The following NRXN3 variants were observed in gnomAD, a reference collection of about 807,000 sequenced individuals.
NRXN3 encodes the protein neurexin 3.
Under a neutral mutation model 137.6 loss-of-function variants are expected in NRXN3, and 32 were observed. The observed-to-expected ratio is 0.23, with a 90% CI of 0.18 to 0.31. The LOEUF is 0.31. Ranked by LOEUF, NRXN3 falls within the 10% of genes least tolerant of loss-of-function variation. NRXN3 has a pLI of 1.00. For synonymous variants in NRXN3, 798 were observed against 784.5 expected (o/e 1.02, Z -0.29); for missense variants, 1,574 against 2,062.5 (o/e 0.76, Z 4.59).
intron 15 of NRXN3, among the ~76,000 whole-genome samples, chr14:79,431,214 C>T (rs983324729): frequency 6.6e-6 from 1 of 152,132 alleles, no homozygotes; most frequent in African/African-American, 2.4e-5. Flanking sequence ...GTCTGAGAAG[C>T]AAATACCTGG....
At chr14:79,818,046 G>GTTTT (rs55815632) in intron 20 of NRXN3, among the ~76,000 whole-genome samples, 30 of 90,318 alleles carry the variant, frequency 3.3e-4, no homozygotes, top group East Asian at 8.5e-4. Flanking sequence ...GTGCACTTGG[G>GTTTT]TTTTTTTTTT....
At chr14:79,499,188 GA>G (rs1284399459) in intron 16 of NRXN3, among the ~76,000 whole-genome samples, 4 of 152,064 alleles carry the variant, frequency 2.6e-5, no homozygotes, top group Admixed American at 2.0e-4. Flanking sequence ...CCAAAGCTTT[GA>G]AGACCCTGTT....
In NRXN3 at chr14:78,457,965, G is replaced by A. The variant is rs182262013; in HGVS notation, c.757+160105G>A. Reference sequence around the variant, plus strand: ...GCCTGTTAAGCAGGAGACACCCCCCGCTCCAGTTTAGAAAATTCTCTGACC... The same window carrying A: ...GCCTGTTAAGCAGGAGACACCCCCCACTCCAGTTTAGAAAATTCTCTGACC... On this transcript the variant is annotated intron_variant, in intron 4 of 20. Transcript: ENST00000335750. Among the ~76,000 whole-genome samples, 12 of 152,200 alleles carry A rather than the reference G, an allele frequency of 7.9e-5. No homozygotes were observed. In the East Asian group the frequency reaches 1.9e-3, roughly 25 times the overall value.
At chr14:79,156,979 A>C (rs750687313) in intron 15 of NRXN3, among the ~76,000 whole-genome samples, 2 of 151,790 alleles carry the variant, frequency 1.3e-5, no homozygotes, top group Non-Finnish European at 2.9e-5. Flanking sequence ...TGTGACAATA[A>C]AAGGTATTTC....
intron 10 of NRXN3, among the ~76,000 whole-genome samples, chr14:78,950,728 T>C (rs1433716990): frequency 6.6e-6 from 1 of 152,124 alleles, no homozygotes; most frequent in Non-Finnish European, 1.5e-5. Flanking sequence ...TCCTGTATCA[T>C]CAATAGATAG....
chr14:79,233,573 A>T (rs1355150374), intron 15 of NRXN3, among the ~76,000 whole-genome samples: 1 of 152,096 alleles, frequency 6.6e-6, no homozygotes, highest in African/African-American at 2.4e-5. Context: ...ATTTAGAGAA[A>T]CTTGGTCATA....
chr14:78,967,277 G>C lies in NRXN3; in HGVS notation c.2847G>C (p.Leu949=). The change falls in exon 13 of 21, where the codon CTG becomes CTC. Residue 949 remains leucine (L), a synonymous_variant. Transcript: ENST00000335750. ...NVIKGNSDRP[L]NDNQWHNVVI... ...TCAAAGGCAACAGTGACCGCCCCCT[G>C]AATGACAACCAGTGGCACAATGTCG... The C allele has an allele frequency of 6.2e-7, 1 of 1,613,356 alleles. No individual in the cohort carries two copies. Among genetic ancestry groups the C allele is most frequent in the Non-Finnish European group, 8.5e-7 (1 of 1,179,942 alleles).
chr14:79,227,824 T>TTCTC (rs2071332886), intron 15 of NRXN3, among the ~76,000 whole-genome samples: 1 of 83,318 alleles, frequency 1.2e-5, no homozygotes, highest in Non-Finnish European at 2.5e-5. Flanking sequence ...CTTCCTCCCT[T>TTCTC]CCTCCCTTCC....
chr14:79,088,977 A>G (rs945721619), intron 15 of NRXN3, among the ~76,000 whole-genome samples: 2 of 152,186 alleles, frequency 1.3e-5, no homozygotes, highest in African/African-American at 4.8e-5. Context: ...TAATTATGAC[A>G]CCAACCCCCA....
chr14:79,548,252 T>C (rs1289155544), intron 16 of NRXN3, among the ~76,000 whole-genome samples: 2 of 151,624 alleles, frequency 1.3e-5, no homozygotes. Context: ...CGTATTCTCG[T>C]TGTTCAACTC....
intron 16 of NRXN3, among the ~76,000 whole-genome samples, chr14:79,498,013 A>G (rs2096783818): frequency 6.6e-6 from 1 of 152,168 alleles, no homozygotes; most frequent in African/African-American, 2.4e-5. Flanking sequence ...CAGCCTAGGC[A>G]ACAGAGCGAG....
intron 8 of NRXN3, among the ~76,000 whole-genome samples, chr14:78,743,899 C>T (rs1038556119): frequency 2.0e-5 from 3 of 152,170 alleles, no homozygotes; most frequent in Admixed American, 2.0e-4. Context: ...GAGAACTTTA[C>T]TGAATTCAGG....
chr14:79,418,971 A>C (rs1266254109), intron 15 of NRXN3, among the ~76,000 whole-genome samples: 1 of 152,154 alleles, frequency 6.6e-6, no homozygotes, highest in East Asian at 1.9e-4. Context: ...AAGAAGTATA[A>C]AGTCATTGAG....
At chr14:78,854,800 G>A (rs1596524378) in intron 10 of NRXN3, among the ~76,000 whole-genome samples, 2 of 152,118 alleles carry the variant, frequency 1.3e-5, no homozygotes, top group Admixed American at 6.5e-5. Context: ...GGCTGGGCAC[G>A]GTGGCTCACA....
chr14:78,456,800 T>TCTTTCTTTCTTC (rs2094722185), intron 4 of NRXN3, among the ~76,000 whole-genome samples: 2 of 18,948 alleles, frequency 1.1e-4, no homozygotes, highest in African/African-American at 4.9e-4. Context: ...TCTCTTTCTC[T>TCTTTCTTTCTTC]CTTTCTTTCT....
intron 15 of NRXN3, among the ~76,000 whole-genome samples, chr14:79,323,478 GAGTT>G (rs1226892383): frequency 3.3e-5 from 5 of 152,222 alleles, no homozygotes; most frequent in Admixed American, 2.6e-4. Flanking sequence ...GAACCTGAAA[GAGTT>G]AATGAAGCAT....
intron 16 of NRXN3, among the ~76,000 whole-genome samples, chr14:79,494,867 A>G (rs949878161): frequency 7.2e-5 from 11 of 152,322 alleles, no homozygotes; most frequent in African/African-American, 2.4e-4. Context: ...TGTATGTGTC[A>G]GAATCCAATC....
intron 15 of NRXN3, among the ~76,000 whole-genome samples, chr14:79,261,232 A>G (rs1260983610): frequency 6.6e-6 from 1 of 152,204 alleles, no homozygotes; most frequent in African/African-American, 2.4e-5. Flanking sequence ...AAAGAAGAGA[A>G]GCAGAACATA....
At chr14:79,748,237 CAA>C (rs547959409) in intron 19 of NRXN3, among the ~76,000 whole-genome samples, 1 of 149,836 alleles carries the variant, frequency 6.7e-6, no homozygotes, top group Non-Finnish European at 1.5e-5. Flanking sequence ...AGCTTTATGC[CAA>C]AAAAAATTTT....
Sources: gnomAD v4.1 joint callset for allele counts (sites outside exome capture counted in the v4.1 genomes callset) on GRCh38, gnomAD v4.1.1 for gene constraint, MANE v1.5 for transcripts, NCBI Gene and HGNC (gene_info 2026-07-23, HGNC 2026-07-21) for gene names.